The following SMAP1 variants were observed in gnomAD, a reference collection of about 807,000 sequenced individuals.
SMAP1 encodes small ArfGAP 1.
Under a neutral mutation model 58.5 loss-of-function variants are expected in SMAP1, and 24 were observed. The ratio of observed to expected loss-of-function variants is 0.41; its 90% CI spans 0.30 to 0.58. SMAP1 has a LOEUF of 0.58. Among genes scored for constraint, SMAP1 ranks in the 20% least tolerant of loss-of-function variants. The pLI is 0.29. For synonymous variants in SMAP1, 216 were observed against 196.6 expected (o/e 1.10, Z -0.82); for missense variants, 563 against 566.3 (o/e 0.99, Z 0.06).
chr6:70,787,003 G>C (rs1157038740), intron 4 of SMAP1, among the ~76,000 whole-genome samples: 1 of 152,116 alleles, frequency 6.6e-6, no homozygotes, highest in Non-Finnish European at 1.5e-5. Flanking sequence ...TCAGTCCTAA[G>C]CCAAAAGAAC....
chr6:70,794,653 T>C (rs1197384639), intron 5 of SMAP1, among the ~76,000 whole-genome samples: 3 of 152,296 alleles, frequency 2.0e-5, no homozygotes, highest in Admixed American at 1.3e-4. Flanking sequence ...CATGGGGTGT[T>C]TGGTTTTCTG....
chr6:70,686,654 GTC>G lies in SMAP1; in HGVS notation c.118+18515_118+18516del, dbSNP rs1217951461. Among the ~76,000 whole-genome samples the G allele has an allele frequency of 2.6e-5, 4 of 152,206 alleles. No individual in the cohort carries two copies. The East Asian group carries it at 7.7e-4, about 29-fold the overall frequency. ...TTTTTGTATAAATGAATATAATAGTGTCTTTTCAGTACAATTGGGCTTCTTAA... is the reference window on the plus strand; with the variant it reads ...TTTTTGTATAAATGAATATAATAGTGTTTTCAGTACAATTGGGCTTCTTAA... On this transcript the variant is annotated intron_variant, in intron 1 of 10. Coordinates refer to ENST00000370455, the MANE Select transcript of SMAP1 (RefSeq NM_001044305.3).
At chr6:70,789,805 G>C (rs1768266180) in intron 4 of SMAP1, among the ~76,000 whole-genome samples, 1 of 151,128 alleles carries the variant, frequency 6.6e-6, no homozygotes, top group Non-Finnish European at 1.5e-5. Flanking sequence ...GTTTTAGTGA[G>C]CTATGATCTT....
Position 70,726,547 on chromosome 6 carries a change from T to C in SMAP1, c.119-5831T>C, listed in dbSNP as rs551890442. Among the ~76,000 whole-genome samples, 41 of 152,372 alleles carry C rather than the reference T, an allele frequency of 2.7e-4. 1 individual carries two copies. The highest frequency in any genetic ancestry group is 2.2e-3 in the Admixed American group (34 of 15,308). ...GCATTAAATTCTTTGTTCCTCATCG[T>C]ATTTTCTTTGTAAAAAATATTTAAG... On this transcript the variant is annotated intron_variant, in intron 1 of 10. Coordinates refer to ENST00000370455, the MANE Select transcript of SMAP1 (RefSeq NM_001044305.3).
intron 1 of SMAP1, chr6:70,668,484 C>T (rs1362488895): frequency 1.6e-5 from 23 of 1,451,390 alleles, no homozygotes; most frequent in East Asian, 2.5e-5. Context: ...CGGGTCTGGG[C>T]AGAGCTTAGG....
intron 6 of SMAP1, among the ~76,000 whole-genome samples, chr6:70,833,097 A>T (rs1770429859): frequency 6.6e-6 from 1 of 152,220 alleles, no homozygotes. Flanking sequence ...ATAACTCTTA[A>T]TGGATATTAA....
intron 4 of SMAP1, among the ~76,000 whole-genome samples, chr6:70,789,398 T>A (rs1768237579): frequency 6.7e-6 from 1 of 149,056 alleles, no homozygotes; most frequent in South Asian, 2.2e-4. Context: ...ATAGATTATA[T>A]TTTCTTTTCT....
chr6:70,692,308 T>C (rs1767203134), intron 1 of SMAP1, among the ~76,000 whole-genome samples: 1 of 152,238 alleles, frequency 6.6e-6, no homozygotes, highest in African/African-American at 2.4e-5. Flanking sequence ...ATGGAGTTGT[T>C]TGAGCTCATT....
chr6:70,795,497 A>G (rs1281164622), intron 5 of SMAP1, among the ~76,000 whole-genome samples: 1 of 152,164 alleles, frequency 6.6e-6, no homozygotes, highest in Non-Finnish European at 1.5e-5. Context: ...TTGTGCCCTC[A>G]TATAGTGGGA....
chr6:70,778,821 T>C (rs936650023), intron 4 of SMAP1, among the ~76,000 whole-genome samples: 5 of 152,174 alleles, frequency 3.3e-5, no homozygotes, highest in African/African-American at 4.8e-5. Flanking sequence ...TTTCCAGATA[T>C]ATATGGTGGC....
chr6:70,838,913 G>A (rs1202793120), intron 7 of SMAP1, among the ~76,000 whole-genome samples: 1 of 152,122 alleles, frequency 6.6e-6, no homozygotes, highest in African/African-American at 2.4e-5. Context: ...GACAGGAAAG[G>A]GTTTTTTTAA....
intron 1 of SMAP1, among the ~76,000 whole-genome samples, chr6:70,670,800 A>G (rs918527551): frequency 6.6e-6 from 1 of 152,222 alleles, no homozygotes; most frequent in African/African-American, 2.4e-5. Flanking sequence ...AGGTGCCTGT[A>G]TTATCTTGCC....
intron 1 of SMAP1, among the ~76,000 whole-genome samples, chr6:70,709,847 C>T (rs1474875429): frequency 6.6e-6 from 1 of 151,640 alleles, no homozygotes; most frequent in Admixed American, 6.6e-5. Context: ...AGGTATCTTT[C>T]CATTTGTGTC....
intron 1 of SMAP1, among the ~76,000 whole-genome samples, chr6:70,702,717 A>G (rs1289449126): frequency 6.7e-6 from 1 of 150,200 alleles, no homozygotes; most frequent in Non-Finnish European, 1.5e-5. Context: ...GCTCACTGCA[A>G]CCTCCCAGGC....
chr6:70,811,729 C>G (rs1394922177), intron 6 of SMAP1, among the ~76,000 whole-genome samples: 3 of 152,078 alleles, frequency 2.0e-5, no homozygotes, highest in Non-Finnish European at 4.4e-5. Context: ...CTGCAGATCC[C>G]TTTATTGTTG....
In SMAP1 at chr6:70,852,586, AC is replaced by A; in HGVS notation, c.715del (p.Leu239Ter). On this transcript the variant is annotated frameshift_variant, in exon 8 of 11. Transcript: ENST00000370455. LOFTEE classifies it high-confidence loss of function. ...PVTNGNTTVPPLNDDLDIFGP... is the reference protein window; with the variant it reads ...PVTNGNTTVPXLNDDLDIFGP... ...TGACCAACGGGAACACAACGGTGCC[AC>A]CCCTGAACGATGATCTGGACATCTT... 1 of 1,609,406 alleles carries A rather than the reference AC, an allele frequency of 6.2e-7. No homozygotes were observed. Among genetic ancestry groups the A allele is most frequent in the Non-Finnish European group, 8.5e-7 (1 of 1,177,760 alleles).
In SMAP1 at chr6:70,860,699, C is replaced by G. The variant is rs1771681749; in HGVS notation, c.*365C>G. The G allele has an allele frequency of 7.5e-6, 3 of 402,086 alleles. No individual in the cohort carries two copies. The highest frequency in any genetic ancestry group is 4.3e-5 in the Admixed American group (1 of 23,394). The allele number at this position is 402,086 out of a possible 1,614,324, so 24.9% of individuals were successfully genotyped here. A position where few individuals can be genotyped will look rare whatever the true frequency, so the allele number is the denominator to read the frequency against. On this transcript the variant is annotated 3_prime_UTR_variant, in exon 11 of 11. Coordinates refer to ENST00000370455, the MANE Select transcript of SMAP1 (RefSeq NM_001044305.3). ...AATACCTCTAATAGTATAAACCCCA[C>G]CCCAAAATTAGCCAGTAATCCTGTA...
chr6:70,683,255 C>T (rs1052462032), intron 1 of SMAP1, among the ~76,000 whole-genome samples: 4 of 150,296 alleles, frequency 2.7e-5, no homozygotes, highest in African/African-American at 9.8e-5. Flanking sequence ...ATTGCAACCT[C>T]CGCCTCCCGT....
chr6:70,778,410 A>G (rs1767629367), intron 4 of SMAP1, among the ~76,000 whole-genome samples: 1 of 152,220 alleles, frequency 6.6e-6, no homozygotes, highest in Non-Finnish European at 1.5e-5. Flanking sequence ...GAGAATGTTT[A>G]TCATGAAGAG....
Sources: allele counts gnomAD v4.1 joint callset (sites outside exome capture counted in the v4.1 genomes callset), GRCh38; gene constraint gnomAD v4.1.1; transcripts MANE v1.5; gene names NCBI Gene and HGNC (gene_info 2026-07-23, HGNC 2026-07-21).